Variants in MYCT1 observed in about 807,000 individuals in gnomAD.
The protein encoded by MYCT1 is MYC target 1.
MYCT1 carries 12 observed loss-of-function variants against 15.0 expected under a neutral mutation model. That is an observed-to-expected ratio of 0.80 (90% confidence interval 0.51 to 1.29). The LOEUF is 1.29. Ranked by LOEUF, MYCT1 falls within the 50% of genes most tolerant of loss-of-function variation. The probability of loss-of-function intolerance (pLI) is 0.00; values close to 1 mark genes in which losing one functional copy is unlikely to be tolerated. For synonymous variants in MYCT1, 104 were observed against 102.7 expected (o/e 1.01, Z -0.07); for missense variants, 287 against 279.1 (o/e 1.03, Z -0.20).
chr6:152,720,668 T>C (rs970093337), intron 1 of MYCT1, among the ~76,000 whole-genome samples: 2 of 152,072 alleles, frequency 1.3e-5, no homozygotes, highest in African/African-American at 2.4e-5. Context: ...AGGACAAATA[T>C]GTGGAAAAGC....
chr6:152,725,448 A>AATT (rs1241953352), downstream of MYCT1, among the ~76,000 whole-genome samples: 2 of 152,084 alleles, frequency 1.3e-5, no homozygotes, highest in South Asian at 2.1e-4. Context: ...CACATTAGCT[A>AATT]ATTATTATTA....
In MYCT1 at chr6:152,697,996, C is replaced by A; in HGVS notation, c.94C>A (p.Leu32Met). The part of the protein sequence containing the change: ...DRIKLLFFDI[L>M]VFLSVFLLFL... The stretch of plus-strand genomic sequence containing the variant: ...AATCAAACTGCTTTTTTTCGACATA[C>A]TGGTTTTTCTTTCTGTTTTTCTTCT... The change falls in exon 1 of 2, where the codon CTG becomes ATG. Residue 32 changes from leucine to methionine, a missense_variant. Physicochemically the swap from Leu to Met is conservative, Grantham distance 15 (BLOSUM62 2). Transcript: ENST00000367245. 6.2e-7 allele frequency: 1 copy of A among 1,608,122 alleles called. No homozygotes were observed. Among genetic ancestry groups the A allele is most frequent in the Non-Finnish European group, 8.5e-7 (1 of 1,177,402 alleles).
chr6:152,715,286 A>G (rs901463075), intron 1 of MYCT1, among the ~76,000 whole-genome samples: 2 of 152,150 alleles, frequency 1.3e-5, no homozygotes, highest in Non-Finnish European at 2.9e-5. Flanking sequence ...TCATATACAG[A>G]AAGGGGTGTG....
At chr6:152,734,544 C>T in the MYCT1 span, among the ~76,000 whole-genome samples, 3 of 152,156 alleles carry the variant, frequency 2.0e-5, no homozygotes, top group Admixed American at 6.5e-5. Context: ...GTGGGAGCTG[C>T]GTGCAGTGAC....
downstream of MYCT1, among the ~76,000 whole-genome samples, chr6:152,728,373 C>A (rs188055697): frequency 9.9e-5 from 15 of 151,956 alleles, no homozygotes; most frequent in Admixed American, 7.9e-4. Context: ...ATGGGAGTAG[C>A]CTAAGGTATT....
downstream of MYCT1, among the ~76,000 whole-genome samples, chr6:152,727,812 G>T (rs923585529): frequency 6.6e-6 from 1 of 152,162 alleles, no homozygotes; most frequent in Non-Finnish European, 1.5e-5. Context: ...TGAACTGTGG[G>T]ATTCTCAGAG....
intron 1 of MYCT1, among the ~76,000 whole-genome samples, chr6:152,706,632 T>C (rs887705371): frequency 2.0e-5 from 3 of 152,084 alleles, no homozygotes; most frequent in Non-Finnish European, 2.9e-5. Context: ...AGCTGGATGT[T>C]GTTAGATGAT....
chr6:152,732,780 AGAG>A, the MYCT1 span, among the ~76,000 whole-genome samples: 30 of 152,242 alleles, frequency 2.0e-4, no homozygotes, highest in African/African-American at 7.2e-4. Flanking sequence ...TGGGACAGAA[AGAG>A]ATTTCTAGAA....
downstream of MYCT1, among the ~76,000 whole-genome samples, chr6:152,728,972 T>G (rs964398691): frequency 6.6e-6 from 1 of 152,200 alleles, no homozygotes; most frequent in Non-Finnish European, 1.5e-5. Context: ...CAGTCAAATT[T>G]TGATGATTGA....
the MYCT1 span, among the ~76,000 whole-genome samples, chr6:152,730,237 A>G: frequency 6.6e-6 from 1 of 152,192 alleles, no homozygotes; most frequent in Non-Finnish European, 1.5e-5. Flanking sequence ...GCATCTAATT[A>G]TGTGCCATCT....
intron 1 of MYCT1, among the ~76,000 whole-genome samples, chr6:152,714,114 T>A (rs904679352): frequency 6.6e-6 from 1 of 152,074 alleles, no homozygotes; most frequent in Non-Finnish European, 1.5e-5. Flanking sequence ...TGTTCTAATG[T>A]CACATTTCTT....
the MYCT1 span, among the ~76,000 whole-genome samples, chr6:152,732,440 G>C: frequency 8.6e-6 from 1 of 115,836 alleles, no homozygotes; most frequent in East Asian, 2.7e-4. Flanking sequence ...GAGAAAATTA[G>C]CTGTAGAGAA....
the MYCT1 span, among the ~76,000 whole-genome samples, chr6:152,735,590 A>G: frequency 1.3e-5 from 2 of 152,138 alleles, no homozygotes; most frequent in Non-Finnish European, 2.9e-5. Context: ...AACTCCAAAT[A>G]TGCTTACCTC....
At chr6:152,705,325 G>A (rs2099722068) in intron 1 of MYCT1, among the ~76,000 whole-genome samples, 1 of 152,076 alleles carries the variant, frequency 6.6e-6, no homozygotes, top group Non-Finnish European at 1.5e-5. Flanking sequence ...TTTGTTGAAC[G>A]CTATACTGAA....
chr6:152,721,174 G>A (rs2099724630), intron 1 of MYCT1, among the ~76,000 whole-genome samples: 1 of 152,078 alleles, frequency 6.6e-6, no homozygotes, highest in African/African-American at 2.4e-5. Flanking sequence ...TGGGAGTTCA[G>A]GAAATATGAC....
At chr6:152,717,379 G>T (rs547158357) in intron 1 of MYCT1, among the ~76,000 whole-genome samples, 2 of 152,252 alleles carry the variant, frequency 1.3e-5, no homozygotes, top group South Asian at 4.1e-4. Context: ...ATTCTGCAAG[G>T]TATAAGAATT....
At chr6:152,725,281 TACTC>T (rs1472955236), downstream of MYCT1, among the ~76,000 whole-genome samples, 2 of 152,102 alleles carry the variant, frequency 1.3e-5, no homozygotes. Context: ...ATATGGAAAA[TACTC>T]AGTTGTAAAT....
chr6:152,737,621 G>T, the MYCT1 span, among the ~76,000 whole-genome samples: 2 of 152,066 alleles, frequency 1.3e-5, no homozygotes, highest in African/African-American at 4.8e-5. Context: ...AAGGGATCTA[G>T]GTGGGGAACA....
Position 152,722,356 on chromosome 6 carries a change from C to T in MYCT1, c.*103C>T. 1 of 1,169,514 alleles carries T rather than the reference C, an allele frequency of 8.6e-7. No individual in the cohort carries two copies. Among genetic ancestry groups the T allele is most frequent in the South Asian group, 1.6e-5 (1 of 64,350 alleles). 72.4% of individuals were successfully genotyped at this position (1,169,514 alleles called of 1,614,324 possible). ...TTTTGAGGGCATGGCCCAAATAACT[C>T]ATGAGTTCCAAGTTGAAACATGGTT... On this transcript the variant is annotated 3_prime_UTR_variant, in exon 2 of 2. Coordinates refer to ENST00000367245, the MANE Select transcript of MYCT1 (RefSeq NM_025107.3).
Sources: allele counts gnomAD v4.1 joint callset (sites outside exome capture counted in the v4.1 genomes callset), GRCh38; gene constraint gnomAD v4.1.1; transcripts MANE v1.5; gene names NCBI Gene and HGNC (gene_info 2026-07-23, HGNC 2026-07-21).